Variants in BBS9 observed in about 807,000 individuals in gnomAD.
The protein encoded by BBS9 is Bardet-Biedl syndrome 9.
In BBS9, 89 loss-of-function variants were observed where a neutral mutation model predicts 117.7. The ratio of observed to expected loss-of-function variants is 0.76; its 90% CI spans 0.64 to 0.90. BBS9 has a LOEUF of 0.90. BBS9 is among the 40% of genes least tolerant of loss of function. The pLI, the probability that BBS9 is intolerant of heterozygous loss-of-function variation, is 0.00. For synonymous variants in BBS9, 379 were observed against 370.9 expected (o/e 1.02, Z -0.25); for missense variants, 982 against 1,042.2 (o/e 0.94, Z 0.80).
At chr7:33,254,314 T>C (rs964147352) in intron 5 of BBS9, among the ~76,000 whole-genome samples, 11 of 152,208 alleles carry the variant, frequency 7.2e-5, no homozygotes, top group African/African-American at 2.4e-4. Flanking sequence ...ATGTGTGCTA[T>C]ACCATGTTAG....
chr7:33,531,380 G>T (rs2129056232), intron 20 of BBS9, among the ~76,000 whole-genome samples: 1 of 152,310 alleles, frequency 6.6e-6, no homozygotes, highest in Admixed American at 6.5e-5. Context: ...TGCCAAGAGA[G>T]CAGAGGCAAC....
chr7:33,400,571 TTTTCTCTCTCTC>T (rs1308205099), intron 19 of BBS9, among the ~76,000 whole-genome samples: 2 of 152,290 alleles, frequency 1.3e-5, no homozygotes, highest in East Asian at 1.9e-4. Context: ...CTTACCGTCA[TTTTCTCTCTCTC>T]TTTAAGTAGA....
intron 17 of BBS9, among the ~76,000 whole-genome samples, chr7:33,377,065 T>A (rs887754836): frequency 1.3e-5 from 2 of 152,204 alleles, no homozygotes; most frequent in Non-Finnish European, 2.9e-5. Context: ...ATCCCATTTG[T>A]CATACTTGCT....
intron 19 of BBS9, among the ~76,000 whole-genome samples, chr7:33,396,545 A>G (rs1828006545): frequency 6.6e-6 from 1 of 152,200 alleles, no homozygotes; most frequent in South Asian, 2.1e-4. Context: ...ATGCATGGAT[A>G]GGAAGAATCA....
At chr7:33,182,051 C>T (rs1008709045) in intron 5 of BBS9, among the ~76,000 whole-genome samples, 3 of 152,206 alleles carry the variant, frequency 2.0e-5, no homozygotes, top group African/African-American at 7.2e-5. Context: ...CGCACCACTG[C>T]ACTCCAGCCT....
At chr7:33,142,725 A>C (rs1584114828) in intron 1 of BBS9, among the ~76,000 whole-genome samples, 1 of 151,354 alleles carries the variant, frequency 6.6e-6, no homozygotes, top group African/African-American at 2.4e-5. Flanking sequence ...TGATGTCCTC[A>C]AGGTTCATCT....
At chr7:33,257,523 T>C (rs1013849279) in intron 6 of BBS9, 113 bp downstream of exon 6, 2 of 974,246 alleles carry the variant, frequency 2.1e-6, no homozygotes, top group African/African-American at 3.2e-5. Context: ...ATCGGTTTCT[T>C]TGAAAATATG....
intron 21 of BBS9, among the ~76,000 whole-genome samples, chr7:33,547,780 C>T (rs1012236723): frequency 6.6e-6 from 1 of 152,102 alleles, no homozygotes; most frequent in Non-Finnish European, 1.5e-5. Flanking sequence ...TGTTTTGAAA[C>T]ATTATTGTTT....
intron 19 of BBS9, among the ~76,000 whole-genome samples, chr7:33,442,415 T>C (rs1213214066): frequency 6.6e-6 from 1 of 152,230 alleles, no homozygotes; most frequent in Non-Finnish European, 1.5e-5. Context: ...AATACAGATA[T>C]GAACTTTTAA....
chr7:33,377,813 G>A (rs755371093), intron 17 of BBS9, among the ~76,000 whole-genome samples: 14 of 151,806 alleles, frequency 9.2e-5, no homozygotes, highest in Non-Finnish European at 1.5e-4. Flanking sequence ...TTCCTGATTC[G>A]GCTCTTGGCT....
chr7:33,328,853 T>A (rs1813370352), intron 9 of BBS9, among the ~76,000 whole-genome samples: 1 of 152,106 alleles, frequency 6.6e-6, no homozygotes, highest in Non-Finnish European at 1.5e-5. Context: ...TTTTATAGAT[T>A]GGCTTTGTTG....
At chr7:33,417,545 T>C (rs924360641) in intron 19 of BBS9, among the ~76,000 whole-genome samples, 1 of 152,216 alleles carries the variant, frequency 6.6e-6, no homozygotes, top group East Asian at 1.9e-4. Context: ...TTTGAACAAT[T>C]TGTAGTGACT....
At chr7:33,163,199 A>T (rs1795136602) in intron 4 of BBS9, among the ~76,000 whole-genome samples, 1 of 152,128 alleles carries the variant, frequency 6.6e-6, no homozygotes, top group African/African-American at 2.4e-5. Flanking sequence ...GTGGTGGATA[A>T]ACTTTTTGAT....
chr7:33,618,657 C>G (rs190173831), intron 21 of BBS9, among the ~76,000 whole-genome samples: 63 of 152,160 alleles, frequency 4.1e-4, no homozygotes, highest in South Asian at 1.9e-3. Flanking sequence ...GAGTTCCAGA[C>G]CAGGCCGGGC....
intron 20 of BBS9, among the ~76,000 whole-genome samples, chr7:33,512,664 A>C (rs1563281271): frequency 6.6e-6 from 1 of 152,214 alleles, no homozygotes; most frequent in Non-Finnish European, 1.5e-5. Context: ...TGCTAATTAC[A>C]AAGAGATGAT....
At chr7:33,345,621 C>T (rs531508535) in intron 12 of BBS9, among the ~76,000 whole-genome samples, 1 of 152,304 alleles carries the variant, frequency 6.6e-6, no homozygotes, top group Admixed American at 6.5e-5. Context: ...GGTCTTTCCC[C>T]AACCTCCTTT....
intron 3 of BBS9, among the ~76,000 whole-genome samples, chr7:33,154,330 T>C (rs1793784255): frequency 6.6e-6 from 1 of 152,126 alleles, no homozygotes. Context: ...TGATCATACA[T>C]ATAGTAAGGT....
intron 9 of BBS9, among the ~76,000 whole-genome samples, chr7:33,296,384 T>G (rs149754049): frequency 6.6e-6 from 1 of 152,308 alleles, no homozygotes; most frequent in East Asian, 1.9e-4. Flanking sequence ...GTGTAAACAA[T>G]CTTGATACCC....
At chr7:33,621,085 A>T (rs747469445) in intron 21 of BBS9, among the ~76,000 whole-genome samples, 60 of 152,204 alleles carry the variant, frequency 3.9e-4, no homozygotes, top group Non-Finnish European at 3.1e-4. Flanking sequence ...AAAAAGACTT[A>T]AAAGTAAGAT....
Sources: allele counts gnomAD v4.1 joint callset (sites outside exome capture counted in the v4.1 genomes callset), GRCh38; gene constraint gnomAD v4.1.1; transcripts MANE v1.5; gene names NCBI Gene and HGNC (gene_info 2026-07-23, HGNC 2026-07-21).